CACNG7: variants seen among roughly 807,000 people sequenced by gnomAD.
CACNG7 encodes the protein voltage-dependent calcium channel gamma-7 subunit.
In CACNG7, 9 loss-of-function variants were observed where a neutral mutation model predicts 26.3. That is an observed-to-expected ratio of 0.34 (90% CI 0.21 to 0.60). The LOEUF is 0.60. CACNG7 is among the 20% of genes least tolerant of loss of function. The pLI is 0.81. For synonymous variants in CACNG7, 170 were observed against 157.0 expected (o/e 1.08, Z -0.62); for missense variants, 297 against 380.4 (o/e 0.78, Z 1.82).
At chr19:53,918,561 G>C (rs932589812) in intron 4 of CACNG7, among the ~76,000 whole-genome samples, 1 of 152,062 alleles carries the variant, frequency 6.6e-6, no homozygotes, top group Non-Finnish European at 1.5e-5. Context: ...GTCATCATTT[G>C]CCAACCCCTC....
rs998636935 is a variant in CACNG7, at chr19:53,939,963, G to T, written c.425-1507G>T. Among the ~76,000 whole-genome samples, 3 of 152,140 alleles carry T rather than the reference G, an allele frequency of 2.0e-5. No homozygotes were observed. Among genetic ancestry groups the T allele is most frequent in the African/African-American group, 7.2e-5 (3 of 41,422 alleles). Reference sequence around the variant, plus strand: ...TAGCTGGTGGGCCATACACAATGAGGGGGTGAGCTGGGTTTCGTCCATGGA... The same window carrying T: ...TAGCTGGTGGGCCATACACAATGAGTGGGTGAGCTGGGTTTCGTCCATGGA... On this transcript the variant is annotated intron_variant, in intron 4 of 5. Transcript: ENST00000391767. This position sits in a 1 kb window ranked among gnomAD's most constrained non-coding sequence, Gnocchi z 4.2.
chr19:53,920,832 C>T (rs1174304787), intron 4 of CACNG7, among the ~76,000 whole-genome samples: 2 of 75,254 alleles, frequency 2.7e-5, no homozygotes, highest in African/African-American at 9.4e-5. Flanking sequence ...GTGGAGTTGT[C>T]CCCAGGCCTG....
intron 4 of CACNG7, among the ~76,000 whole-genome samples, chr19:53,919,412 A>G (rs1214779534): frequency 1.3e-4 from 17 of 131,092 alleles, no homozygotes; most frequent in Non-Finnish European, 2.6e-4. Context: ...AGGCCTGGTC[A>G]TTGGTGGACT....
rs1555809766 is a variant in CACNG7 at position 53,914,282 on chromosome 19, A to AAAAAAG, written c.197-212_197-207dup. Among the ~76,000 whole-genome samples the AAAAAAG allele has an allele frequency of 3.8e-4, 52 of 136,272 alleles. 2 individuals are homozygous for AAAAAAG. Among genetic ancestry groups the AAAAAAG allele is most frequent in the African/African-American group, 1.5e-3 (50 of 33,964 alleles). 89.4% of individuals were successfully genotyped at this position (136,272 alleles called of 152,430 possible). On this transcript the variant is annotated intron_variant, in intron 2 of 5. Transcript: ENST00000391767. The stretch of plus-strand genomic sequence containing the variant: ...GAGTGAGACTCCATCTCAAAAAAAA[A>AAAAAAG]AAAAAGAAAAAAAGAAAAAGAAAAG...
At chr19:53,925,537 C>G (rs1333417426) in intron 4 of CACNG7, among the ~76,000 whole-genome samples, 2 of 51,390 alleles carry the variant, frequency 3.9e-5, no homozygotes, top group Non-Finnish European at 6.4e-5. Context: ...TTGTCCCAGG[C>G]TGGTCATTGG....
chr19:53,941,995 C>A, intron 5 of CACNG7, 41 bp from the exon 6 acceptor site: 1 of 1,534,394 alleles, frequency 6.5e-7, no homozygotes, highest in Non-Finnish European at 8.8e-7. Context: ...CGGGGATGCG[C>A]AGGGGGGCGC....
At chr19:53,941,373 G>T (rs1568786004) in intron 4 of CACNG7, 97 bp from the exon 5 acceptor site, 4 of 1,383,064 alleles carry the variant, frequency 2.9e-6, no homozygotes, top group African/African-American at 1.5e-5. Context: ...GTTAGTCCAG[G>T]ACAGAATGGG....
At chr19:53,918,205 G>C (rs541601010) in intron 4 of CACNG7, among the ~76,000 whole-genome samples, 1 of 152,300 alleles carries the variant, frequency 6.6e-6, no homozygotes, top group Admixed American at 6.5e-5. Flanking sequence ...GCCTTCTTTT[G>C]TGGAGTTATT....
chr19:53,926,957 TTTTC>T (rs2069035705), intron 4 of CACNG7, among the ~76,000 whole-genome samples: 1 of 151,928 alleles, frequency 6.6e-6, no homozygotes, highest in Non-Finnish European at 1.5e-5. Flanking sequence ...TTTCTTTCCT[TTTTC>T]TTTTTTTCTT....
rs2068868651 is a variant in CACNG7 at position 53,912,770 on chromosome 19, A to G, written c.-29-33A>G. The G allele has an allele frequency of 1.3e-6, 2 of 1,572,618 alleles. No homozygotes were observed. Among genetic ancestry groups the G allele is most frequent in the Admixed American group, 1.7e-5 (1 of 59,436 alleles). On this transcript the variant is annotated intron_variant, in intron 1 of 5. Coordinates refer to ENST00000391767, the MANE Select transcript of CACNG7 (RefSeq NM_031896.5). The surrounding 1 kb of genome is among the most constrained non-coding windows in gnomAD (Gnocchi z 4.6). Reference sequence around the variant, plus strand: ...GGGGTCAAGCACTCTGGTCGGTCCCATGGAGCTCTGCACTGTAGCTTCCCT... The same window carrying G: ...GGGGTCAAGCACTCTGGTCGGTCCCGTGGAGCTCTGCACTGTAGCTTCCCT...
At chr19:53,928,969 C>A (rs1259535497) in intron 4 of CACNG7, among the ~76,000 whole-genome samples, 1 of 151,738 alleles carries the variant, frequency 6.6e-6, no homozygotes, top group African/African-American at 2.4e-5. Flanking sequence ...ATTAGCCGGG[C>A]ATGGTGGCGC....
intron 4 of CACNG7, 145 bp downstream of exon 4, chr19:53,915,650 T>C: frequency 4.3e-6 from 4 of 937,818 alleles, no homozygotes; most frequent in Non-Finnish European, 6.3e-6. Flanking sequence ...CTATGTGCAA[T>C]GGAAATAGCA....
At chr19:53,916,224 T>C (rs1293408090) in intron 4 of CACNG7, among the ~76,000 whole-genome samples, 1 of 152,206 alleles carries the variant, frequency 6.6e-6, no homozygotes, top group Non-Finnish European at 1.5e-5. Context: ...TCAATATTTG[T>C]TTACAGTTTT....
intron 4 of CACNG7, among the ~76,000 whole-genome samples, chr19:53,924,721 A>G (rs959806384): frequency 2.9e-5 from 4 of 139,340 alleles, no homozygotes; most frequent in African/African-American, 1.1e-4. Flanking sequence ...CAGTTCTGGT[A>G]TTGGTGGAGT....
rs544419670 is a variant in CACNG7, at chr19:53,912,682, T to A, written c.-29-121T>A. On this transcript the variant is annotated intron_variant, in intron 1 of 5. Coordinates refer to ENST00000391767, the MANE Select transcript of CACNG7 (RefSeq NM_031896.5). The surrounding 1 kb of genome is among the most constrained non-coding windows in gnomAD (Gnocchi z 4.6). Reference sequence around the variant, plus strand: ...CATGGGTCAGGCCACGGAGGTCAGATCTGAGATTTCGATTTGGGAGTCAGT... The same window carrying A: ...CATGGGTCAGGCCACGGAGGTCAGAACTGAGATTTCGATTTGGGAGTCAGT... The A allele has an allele frequency of 1.8e-4, 134 of 746,792 alleles. No individual in the cohort carries two copies. The highest frequency in any genetic ancestry group is 2.8e-4 in the Non-Finnish European group (126 of 447,732). 46.3% of individuals were successfully genotyped at this position (746,792 alleles called of 1,614,324 possible).
At position 53,912,783 on chromosome 19, in the gene CACNG7, C is replaced by G; in HGVS notation, c.-29-20C>G. On this transcript the variant is annotated intron_variant, in intron 1 of 5. Coordinates refer to ENST00000391767, the MANE Select transcript of CACNG7 (RefSeq NM_031896.5). This position sits in a 1 kb window ranked among gnomAD's most constrained non-coding sequence, Gnocchi z 4.6. ...CTGGTCGGTCCCATGGAGCTCTGCA[C>G]TGTAGCTTCCCTTCCACAGGCCCCG... is the stretch of plus-strand genomic sequence containing the variant. The G allele has an allele frequency of 6.3e-7, 1 of 1,596,716 alleles. No homozygotes were observed. Among genetic ancestry groups the G allele is most frequent in the Non-Finnish European group, 8.5e-7 (1 of 1,172,316 alleles).
Position 53,909,739 on chromosome 19 carries a change from C to T in CACNG7, c.-30+222C>T, listed in dbSNP as rs1463666361. Among the ~76,000 whole-genome samples, 1 of 152,028 alleles carries T rather than the reference C, an allele frequency of 6.6e-6. No individual in the cohort carries two copies. The highest frequency in any genetic ancestry group is 1.5e-5 in the Non-Finnish European group (1 of 68,006). ...TCCCGGAGTGGGAAACTGCACTCCTCGCGTCCGAGTCGCAGCGAGCGTGGG... is the reference window on the plus strand; with the variant it reads ...TCCCGGAGTGGGAAACTGCACTCCTTGCGTCCGAGTCGCAGCGAGCGTGGG... On this transcript the variant is annotated intron_variant, in intron 1 of 5. Coordinates refer to ENST00000391767, the MANE Select transcript of CACNG7 (RefSeq NM_031896.5). This position sits in a 1 kb window ranked among gnomAD's most constrained non-coding sequence, Gnocchi z 5.1.
At chr19:53,919,580 CTTGCCCCAGGCTGGTCATTGGTGGAG>C (rs2068923074) in intron 4 of CACNG7, among the ~76,000 whole-genome samples, 10 of 113,220 alleles carry the variant, frequency 8.8e-5, no homozygotes, top group South Asian at 3.0e-4. Flanking sequence ...CATTGGTGGA[CTTGCCCCAGGCTGGTCATTGGTGGAG>C]TTGCCCCAGG....
intron 4 of CACNG7, among the ~76,000 whole-genome samples, chr19:53,921,297 TC>T (rs2068948258): frequency 7.9e-6 from 1 of 127,026 alleles, no homozygotes; most frequent in African/African-American, 3.6e-5. Flanking sequence ...TCAGGTCTGG[TC>T]ATTGGTGGAC....
Sources: gnomAD v4.1 joint callset for allele counts (sites outside exome capture counted in the v4.1 genomes callset) on GRCh38, gnomAD v4.1.1 for gene constraint, Gnocchi (gnomAD v3.1) non-coding constraint, MANE v1.5 for transcripts, NCBI Gene and HGNC (gene_info 2026-07-23, HGNC 2026-07-21) for gene names.